The following CHKA variants were observed in gnomAD, a reference collection of about 807,000 sequenced individuals.
CHKA encodes the protein choline kinase alpha, also known as CHETK-alpha.
Under a neutral mutation model 60.1 loss-of-function variants are expected in CHKA, and 34 were observed. The ratio of observed to expected loss-of-function variants is 0.57; its 90% CI spans 0.43 to 0.75. The LOEUF (loss-of-function observed/expected upper bound fraction) is 0.75. Among genes scored for constraint, CHKA ranks in the 30% least tolerant of loss-of-function variants. The pLI, the probability that CHKA is intolerant of heterozygous loss-of-function variation, is 0.00. For missense variants in CHKA, 563 were observed against 561.3 expected (o/e 1.00, Z -0.03); for synonymous variants, 217 against 223.1 (o/e 0.97, Z 0.24).
intron 2 of CHKA, among the ~76,000 whole-genome samples, chr11:68,083,497 T>C (rs879399026): frequency 1.3e-5 from 2 of 152,220 alleles, no homozygotes; most frequent in Admixed American, 1.3e-4. Flanking sequence ...TAAATGACTA[T>C]GGTTATTCCT....
chr11:68,102,102 AAAAAAAAAAAG>A (rs1172122942), intron 1 of CHKA, among the ~76,000 whole-genome samples: 1 of 117,202 alleles, frequency 8.5e-6, no homozygotes, highest in African/African-American at 2.7e-5. Context: ...TCTGTCTCAA[AAAAAAAAAAAG>A]AAAAAAAAAA....
intron 4 of CHKA, among the ~76,000 whole-genome samples, chr11:68,073,240 T>C (rs898283147): frequency 6.6e-6 from 1 of 152,250 alleles, no homozygotes; most frequent in Non-Finnish European, 1.5e-5. Flanking sequence ...CTTTATAGAA[T>C]GGTATGATAC....
At chr11:68,060,006 T>C (rs1716941140) in intron 11 of CHKA, among the ~76,000 whole-genome samples, 1 of 151,282 alleles carries the variant, frequency 6.6e-6, no homozygotes, top group Non-Finnish European at 1.5e-5. Flanking sequence ...TTTGTTTTGT[T>C]TTTGTTTCTG....
chr11:68,053,896 C>T lies in CHKA; in HGVS notation c.*92G>A. The T allele has an allele frequency of 9.6e-7, 1 of 1,041,928 alleles. No individual in the cohort carries two copies. Among genetic ancestry groups the T allele is most frequent in the Non-Finnish European group, 1.5e-6 (1 of 678,766 alleles). The allele number at this position is 1,041,928 out of a possible 1,614,324, so 64.5% of individuals were successfully genotyped here. A position where few individuals can be genotyped will look rare whatever the true frequency, so the allele number is the denominator to read the frequency against. On this transcript the variant is annotated 3_prime_UTR_variant, in exon 12 of 12. Coordinates refer to ENST00000265689, the MANE Select transcript of CHKA (RefSeq NM_001277.3). ...GTAGTGAGCCACCCAAAGCCTCCTGCCACAGGAGCAGTAGTCGAAGCACAG... is the reference window on the plus strand; with the variant it reads ...GTAGTGAGCCACCCAAAGCCTCCTGTCACAGGAGCAGTAGTCGAAGCACAG...
At chr11:68,109,698 G>A (rs1858062235) in intron 1 of CHKA, among the ~76,000 whole-genome samples, 1 of 152,204 alleles carries the variant, frequency 6.6e-6, no homozygotes, top group East Asian at 1.9e-4. Flanking sequence ...CGTGCCTGTA[G>A]TCCAGCACCT....
chr11:68,110,124 C>T (rs943846429), intron 1 of CHKA, among the ~76,000 whole-genome samples: 4 of 152,038 alleles, frequency 2.6e-5, no homozygotes, highest in Admixed American at 1.3e-4. Flanking sequence ...GAGGAACTTC[C>T]TCAACTTGAT....
At chr11:68,074,685 A>G (rs752871283) in intron 4 of CHKA, 32 bp downstream of exon 4, 41 of 1,588,324 alleles carry the variant, frequency 2.6e-5, no homozygotes, top group Non-Finnish European at 3.2e-5. Context: ...TCTGTGGCAT[A>G]TGTCAACTAA....
rs1053997898 is a variant in CHKA, at chr11:68,088,272, G to A, written c.463-6815C>T. Among the ~76,000 whole-genome samples, 5 of 152,014 alleles carry A rather than the reference G, an allele frequency of 3.3e-5. No homozygotes were observed. In the East Asian group the frequency reaches 5.8e-4, roughly 18 times the overall value. The stretch of plus-strand genomic sequence containing the variant: ...GTACTGAAACAACTCCCAGGTCATC[G>A]TATTCACCCTGAGAATAGGAGGATA... On this transcript the variant is annotated intron_variant, in intron 2 of 11. Transcript: ENST00000265689.
Position 68,066,510 on chromosome 11 carries a change from A to G in CHKA, c.935T>C (p.Ile312Thr). ...ATTCTCTCGGCCTTCCAGCAACAAGATATTACCTGCAAAAGGTTTGGATAA... is the reference window on the plus strand; with the variant it reads ...ATTCTCTCGGCCTTCCAGCAACAAGGTATTACCTGCAAAAGGTTTGGATAA... ...FCHNDCQEGN[I>T]LLLEGRENSE... is the part of the protein sequence containing the mutation. Residue 312 changes from isoleucine to threonine, a missense_variant, in exon 8 of 12, where the codon ATC becomes ACC. Ile to Thr is a moderately conservative substitution (Grantham distance 89, BLOSUM62 -1). Coordinates refer to ENST00000265689, the MANE Select transcript of CHKA (RefSeq NM_001277.3). The G allele has an allele frequency of 6.2e-7, 1 of 1,613,752 alleles. No homozygotes were observed. The highest frequency in any genetic ancestry group is 8.5e-7 in the Non-Finnish European group (1 of 1,179,620).
intron 2 of CHKA, among the ~76,000 whole-genome samples, chr11:68,082,328 T>C (rs891455615): frequency 6.6e-6 from 1 of 152,146 alleles, no homozygotes; most frequent in African/African-American, 2.4e-5. Context: ...AGTCAGAAAC[T>C]TGTGTCACGT....
At chr11:68,102,123 A>T (rs1857751069) in intron 1 of CHKA, among the ~76,000 whole-genome samples, 1 of 151,686 alleles carries the variant, frequency 6.6e-6, no homozygotes, top group African/African-American at 2.4e-5. Context: ...GAAAAAAAAA[A>T]GTCCATACTA....
chr11:68,107,916 C>G (rs1857975420), intron 1 of CHKA, among the ~76,000 whole-genome samples: 1 of 152,154 alleles, frequency 6.6e-6, no homozygotes, highest in African/African-American at 2.4e-5. Context: ...TGTGTAAATA[C>G]ATTACGAAAG....
At chr11:68,063,345 C>A (rs1414098474) in intron 10 of CHKA, among the ~76,000 whole-genome samples, 1 of 151,912 alleles carries the variant, frequency 6.6e-6, no homozygotes, top group East Asian at 1.9e-4. Flanking sequence ...CAAAAAAATA[C>A]AAAAATTAGC....
At chr11:68,109,086 C>CTTTTTT (rs1040771984) in intron 1 of CHKA, among the ~76,000 whole-genome samples, 3 of 130,592 alleles carry the variant, frequency 2.3e-5, no homozygotes, top group African/African-American at 5.7e-5. Context: ...TTTTCTTTTC[C>CTTTTTT]TTTTTTTTTT....
intron 3 of CHKA, among the ~76,000 whole-genome samples, chr11:68,075,479 T>G (rs1856757400): frequency 6.6e-6 from 1 of 152,126 alleles, no homozygotes; most frequent in Admixed American, 6.6e-5. Context: ...TCCTAATAAT[T>G]AACGTGGGAT....
intron 3 of CHKA, 82 bp downstream of exon 3, chr11:68,081,322 G>GCA: frequency 9.3e-7 from 1 of 1,080,268 alleles, no homozygotes; most frequent in South Asian, 1.3e-5. Context: ...TAGATAAGAG[G>GCA]CACTGCCAAG....
chr11:68,105,633 G>A (rs998346918), intron 1 of CHKA, among the ~76,000 whole-genome samples: 2 of 151,680 alleles, frequency 1.3e-5, no homozygotes, highest in Non-Finnish European at 2.9e-5. Context: ...TTTTAGCAAC[G>A]GGGATATTTT....
At chr11:68,057,128 G>A (rs537073992) in intron 11 of CHKA, among the ~76,000 whole-genome samples, 227 of 152,304 alleles carry the variant, frequency 1.5e-3, no homozygotes, top group Admixed American at 2.7e-3. Context: ...TTACTTGTTT[G>A]TTGGCGGGGA....
chr11:68,121,106 G>A lies in CHKA; in HGVS notation c.72C>T (p.Ser24=). The stretch of plus-strand genomic sequence containing the variant: ...CGCCGGGCGCCGGGGCCGCGCTGCC[G>A]CTACCGCAGCTCAGCAGCAGCCCGA... The part of the protein sequence containing the change: ...SPLGLLLSCG[S]GSAAPAPGVG... The change falls in exon 1 of 12, where the codon AGC becomes AGT. Residue 24 remains serine (S), a synonymous_variant. Transcript: ENST00000265689. 8.6e-7 allele frequency: 1 copy of A among 1,165,442 alleles called. No individual in the cohort carries two copies. The highest frequency in any genetic ancestry group is 2.9e-5 in the South Asian group (1 of 34,128). 72.2% of individuals were successfully genotyped at this position (1,165,442 alleles called of 1,614,324 possible).
Sources: allele counts gnomAD v4.1 joint callset (sites outside exome capture counted in the v4.1 genomes callset), GRCh38; gene constraint gnomAD v4.1.1; transcripts MANE v1.5; gene names NCBI Gene and HGNC (gene_info 2026-07-23, HGNC 2026-07-21).